The following SCN3A variants were observed in gnomAD, a reference collection of about 807,000 sequenced individuals.
SCN3A encodes sodium voltage-gated channel alpha subunit 3, also known as sodium channel protein type 3 subunit alpha.
SCN3A carries 60 observed loss-of-function variants against 187.6 expected under a neutral mutation model. That is an observed-to-expected ratio of 0.32 (90% CI 0.26 to 0.40). The LOEUF is 0.40. Among genes scored for constraint, SCN3A ranks in the 10% least tolerant of loss-of-function variants. SCN3A has a pLI of 1.00. For synonymous variants in SCN3A, 788 were observed against 829.2 expected (o/e 0.95, Z 0.85); for missense variants, 1,601 against 2,428.2 (o/e 0.66, Z 7.16).
At chr2:165,110,092 C>T (rs897885379) in intron 21 of SCN3A, among the ~76,000 whole-genome samples, 1 of 152,146 alleles carries the variant, frequency 6.6e-6, no homozygotes, top group Non-Finnish European at 1.5e-5. Context: ...CCTCCGCTTC[C>T]CCAAACACGC....
At position 165,189,350 on chromosome 2, in the gene SCN3A, T is replaced by C. The variant is rs189364498; in HGVS notation, c.-247-2603A>G. 1.1e-4 allele frequency among the ~76,000 whole-genome samples: 17 copies of C among 152,276 alleles called. No homozygotes were observed. In the East Asian group the frequency reaches 3.3e-3, roughly 29 times the overall value. ...AACTAAGTGAATTTCATTTAGAAGGTGATGAGATAAGATGGTCCAGAAACT... is the reference window on the plus strand; with the variant it reads ...AACTAAGTGAATTTCATTTAGAAGGCGATGAGATAAGATGGTCCAGAAACT... On this transcript the variant is annotated intron_variant, in intron 1 of 27. Transcript: ENST00000283254.
At position 165,092,691 on chromosome 2, in the gene SCN3A, A is replaced by T; in HGVS notation, c.4537-167T>A. On this transcript the variant is annotated intron_variant, in intron 26 of 27. Transcript: ENST00000283254. The surrounding 1 kb of genome is among the most constrained non-coding windows in gnomAD (Gnocchi z 4.2). ...TTTCTCTTCATGTTAAAAAAAATGG[A>T]AAAAAAATTTATATAGCTAAACAAA... The T allele has an allele frequency of 1.5e-6, 1 of 661,186 alleles. No individual in the cohort carries two copies. Among genetic ancestry groups the T allele is most frequent in the Non-Finnish European group, 2.5e-6 (1 of 394,732 alleles). 41.0% of individuals were successfully genotyped at this position (661,186 alleles called of 1,614,324 possible). A position where few individuals can be genotyped will look rare whatever the true frequency, so the allele number is the denominator to read the frequency against.
At chr2:165,163,893 C>T in intron 6 of SCN3A, 184 bp from the exon 7 acceptor site, 1 of 1,612,746 alleles carries the variant, frequency 6.2e-7, no homozygotes, top group Non-Finnish European at 8.5e-7. Flanking sequence ...CTGTTACATA[C>T]CTGCAGAATT....
At chr2:165,141,040 G>T in intron 12 of SCN3A, 42 bp from the exon 13 acceptor site, 1 of 1,303,794 alleles carries the variant, frequency 7.7e-7, no homozygotes, top group South Asian at 1.2e-5. Flanking sequence ...ATGGGGGTAG[G>T]GGAAGAACGC....
chr2:165,194,110 A>G (rs1040571848), intron 1 of SCN3A, among the ~76,000 whole-genome samples: 1 of 152,160 alleles, frequency 6.6e-6, no homozygotes, highest in Non-Finnish European at 1.5e-5. Flanking sequence ...AGATTTAATG[A>G]AAAGATAAGA....
chr2:165,124,480 G>T (rs986738685), intron 18 of SCN3A, among the ~76,000 whole-genome samples: 1 of 151,832 alleles, frequency 6.6e-6, no homozygotes, highest in African/African-American at 2.4e-5. Flanking sequence ...ATGCTACTTT[G>T]TCTCTAGTTT....
At chr2:165,098,444 T>C (rs1228813922) in intron 22 of SCN3A, among the ~76,000 whole-genome samples, 1 of 152,210 alleles carries the variant, frequency 6.6e-6, no homozygotes, top group African/African-American at 2.4e-5. Flanking sequence ...AATCCAAAAT[T>C]GTAAACATTT....
chr2:165,114,461 C>T (rs561065649), intron 19 of SCN3A, among the ~76,000 whole-genome samples: 10 of 152,324 alleles, frequency 6.6e-5, no homozygotes, highest in African/African-American at 2.2e-4. Flanking sequence ...CTCTTAGTCA[C>T]ACCTATGACT....
chr2:165,113,766 A>G, intron 20 of SCN3A, 50 bp downstream of exon 20: 1 of 1,583,842 alleles, frequency 6.3e-7, no homozygotes, highest in Non-Finnish European at 8.7e-7. Context: ...ATTTTGGAGA[A>G]TAAACTATTT....
chr2:165,179,610 T>TA (rs913981835), intron 2 of SCN3A: 6 of 152,174 alleles, frequency 3.9e-5, no homozygotes, highest in Admixed American at 1.3e-4. Context: ...CAAAAGAAAG[T>TA]AAAAACGTCT....
rs759924410 is a variant in SCN3A at position 165,090,605 on chromosome 2, G to T, written c.5548C>A (p.Leu1850Ile). Reference protein sequence around the residue: ...PMVSGDRIHCLDILFAFTKRV... With the variant: ...PMVSGDRIHCIDILFAFTKRV... The stretch of plus-strand genomic sequence containing the variant: ...TTTGTAAAGGCAAATAAAATATCAA[G>T]ACAGTGGATCCGGTCACCACTGACC... Residue 1850 changes from leucine (L) to isoleucine (I), a missense_variant, in exon 28 of 28, where the codon CTT becomes ATT. This residue lies in a region of SCN3A where 110 missense variants were observed against 175.9 expected (regional missense o/e 0.63). Coordinates refer to ENST00000283254, the MANE Select transcript of SCN3A (RefSeq NM_006922.4). This position sits in a 1 kb window ranked among gnomAD's most constrained non-coding sequence, Gnocchi z 4.0. 12 of 1,613,888 alleles carry T rather than the reference G, an allele frequency of 7.4e-6. No individual in the cohort carries two copies. Among genetic ancestry groups the T allele is most frequent in the Non-Finnish European group, 1.0e-5 (12 of 1,179,986 alleles).
intron 2 of SCN3A, among the ~76,000 whole-genome samples, chr2:165,182,449 A>C (rs916794372): frequency 6.6e-6 from 1 of 152,190 alleles, no homozygotes; most frequent in Admixed American, 6.5e-5. Flanking sequence ...TGAGAAAATG[A>C]ACCTAAAGGG....
intron 21 of SCN3A, among the ~76,000 whole-genome samples, chr2:165,108,164 A>T (rs1309586551): frequency 6.6e-6 from 1 of 152,164 alleles, no homozygotes; most frequent in African/African-American, 2.4e-5. Context: ...AAGGCTCTTA[A>T]TTAGTGCCAT....
chr2:165,189,451 CT>C (rs1691458438), intron 1 of SCN3A, among the ~76,000 whole-genome samples: 1 of 152,102 alleles, frequency 6.6e-6, no homozygotes, highest in South Asian at 2.1e-4. Flanking sequence ...TTGAAATTAT[CT>C]TAATAAAATT....
At chr2:165,107,623 C>T (rs535875401) in intron 21 of SCN3A, among the ~76,000 whole-genome samples, 5 of 152,324 alleles carry the variant, frequency 3.3e-5, no homozygotes, top group East Asian at 1.9e-4. Flanking sequence ...ACCACTTATA[C>T]GCAATCACCT....
chr2:165,160,759 G>T (rs1689314194), intron 9 of SCN3A, among the ~76,000 whole-genome samples: 1 of 147,652 alleles, frequency 6.8e-6, no homozygotes, highest in African/African-American at 2.6e-5. Context: ...TTGTGCCTCA[G>T]CCTCCAGAGT....
chr2:165,158,930 A>G (rs1689209311), intron 9 of SCN3A, among the ~76,000 whole-genome samples: 1 of 137,990 alleles, frequency 7.2e-6, no homozygotes, highest in Non-Finnish European at 1.5e-5. Context: ...TTGTGAAGAC[A>G]TAAGTTTTCA....
Position 165,129,979 on chromosome 2 carries a change from A to G in SCN3A, c.2883T>C (p.Leu961=), listed in dbSNP as rs144429995. 8 of 1,614,162 alleles carry G rather than the reference A, an allele frequency of 5.0e-6. No individual in the cohort carries two copies. The highest frequency in any genetic ancestry group is 2.2e-5 in the East Asian group (1 of 44,890). The change falls in exon 17 of 28, where the codon CTT becomes CTC. Residue 961 remains leucine, a synonymous_variant. Coordinates refer to ENST00000283254, the MANE Select transcript of SCN3A (RefSeq NM_006922.4). Reference sequence around the variant, plus strand: ...TGACCATGACCAACATGAAAACAATAAGGCACATGGTTTGGCCAGCGACCT... The same window carrying G: ...TGACCATGACCAACATGAAAACAATGAGGCACATGGTTTGGCCAGCGACCT... The part of the protein sequence containing the change: ...CMEVAGQTMC[L]IVFMLVMVIG...
At chr2:165,117,614 C>A (rs1028962593) in intron 18 of SCN3A, among the ~76,000 whole-genome samples, 1 of 151,926 alleles carries the variant, frequency 6.6e-6, no homozygotes, top group Non-Finnish European at 1.5e-5. Flanking sequence ...AAGAGTGAAT[C>A]GATGAATGTT....
Sources: gnomAD v4.1 joint callset for allele counts (sites outside exome capture counted in the v4.1 genomes callset) on GRCh38, gnomAD v4.1.1 for gene constraint, gnomAD v4.1.1 regional missense constraint, Gnocchi (gnomAD v3.1) non-coding constraint, MANE v1.5 for transcripts, NCBI Gene and HGNC (gene_info 2026-07-23, HGNC 2026-07-21) for gene names.